The following PTPRN2 variants were observed in gnomAD, a reference collection of about 807,000 sequenced individuals.
PTPRN2 encodes receptor-type tyrosine-protein phosphatase N2.
In PTPRN2, 74 loss-of-function variants were observed where a neutral mutation model predicts 118.8. The ratio of observed to expected loss-of-function variants is 0.62; its 90% CI spans 0.52 to 0.76. The LOEUF (loss-of-function observed/expected upper bound fraction) is 0.76, where lower values mean the gene tolerates loss of function less well. Among genes scored for constraint, PTPRN2 ranks in the 30% least tolerant of loss-of-function variants. PTPRN2 has a pLI of 0.00. For synonymous variants in PTPRN2, 641 were observed against 608.0 expected (o/e 1.05, Z -0.80); for missense variants, 1,481 against 1,394.4 (o/e 1.06, Z -0.99).
chr7:158,369,467 C>A (rs1433677257), intron 2 of PTPRN2, among the ~76,000 whole-genome samples: 2 of 152,120 alleles, frequency 1.3e-5, no homozygotes, highest in Non-Finnish European at 2.9e-5. Context: ...GGCCACTGGG[C>A]AGATGCTATC....
chr7:158,233,744 A>T (rs2150830629), intron 3 of PTPRN2, among the ~76,000 whole-genome samples: 1 of 152,356 alleles, frequency 6.6e-6, no homozygotes, highest in African/African-American at 2.4e-5. Flanking sequence ...TAGTATCCAA[A>T]TAAGCATAGT....
intron 4 of PTPRN2, among the ~76,000 whole-genome samples, chr7:158,197,609 G>A (rs1826310208): frequency 6.6e-6 from 1 of 152,166 alleles, no homozygotes. Flanking sequence ...CTGAGACTGG[G>A]TAATTTATAA....
At chr7:158,480,833 C>T (rs897434423) in intron 2 of PTPRN2, among the ~76,000 whole-genome samples, 1 of 152,222 alleles carries the variant, frequency 6.6e-6, no homozygotes, top group African/African-American at 2.4e-5. Flanking sequence ...GAGGAAGCTG[C>T]AGAAGAAAAC....
In PTPRN2 at chr7:158,441,809, GTGGTGA is replaced by G. The variant is rs1563298973; in HGVS notation, c.163+47920_163+47925del. On this transcript the variant is annotated intron_variant, in intron 2 of 22. Transcript: ENST00000389418. ...GGTGATAGTGATGGTCATGGCAGTG[GTGGTGA>G]TGGTGATAGTGATGGTCATGGCAGT... Among the ~76,000 whole-genome samples the G allele has an allele frequency of 2.1e-4, 19 of 90,878 alleles. No homozygotes were observed. In the East Asian group the frequency reaches 2.9e-3, roughly 14 times the overall value. 59.6% of individuals were successfully genotyped at this position (90,878 alleles called of 152,430 possible). A position where few individuals can be genotyped will look rare whatever the true frequency, so the allele number is the denominator to read the frequency against.
At chr7:158,068,403 C>T (rs1472635468) in intron 11 of PTPRN2, among the ~76,000 whole-genome samples, 1 of 152,300 alleles carries the variant, frequency 6.6e-6, no homozygotes, top group Admixed American at 6.5e-5. Flanking sequence ...AGTGGCTGGA[C>T]TGCAGCTGGG....
At chr7:158,434,393 T>C (rs1816429517) in intron 2 of PTPRN2, among the ~76,000 whole-genome samples, 1 of 152,242 alleles carries the variant, frequency 6.6e-6, no homozygotes, top group South Asian at 2.1e-4. Context: ...TGTGTGTTCC[T>C]GATAGACCAA....
chr7:158,240,446 C>T (rs1459466197), intron 3 of PTPRN2, among the ~76,000 whole-genome samples: 7 of 152,250 alleles, frequency 4.6e-5, no homozygotes, highest in South Asian at 2.1e-4. Context: ...TGTTTTCTTT[C>T]GAGATGGACT....
At chr7:157,802,510 C>G (rs750169440) in intron 12 of PTPRN2, among the ~76,000 whole-genome samples, 27 of 152,266 alleles carry the variant, frequency 1.8e-4, no homozygotes, top group Admixed American at 9.8e-4. Flanking sequence ...CATGTCTTGG[C>G]TCCTGTGAAC....
intron 2 of PTPRN2, among the ~76,000 whole-genome samples, chr7:158,365,786 C>CA (rs1491441324): frequency 2.7e-5 from 4 of 148,432 alleles, no homozygotes; most frequent in East Asian, 2.0e-4. Context: ...CACACACACA[C>CA]CCACACACAC....
At chr7:157,817,338 G>A (rs966115014) in intron 12 of PTPRN2, among the ~76,000 whole-genome samples, 1 of 152,154 alleles carries the variant, frequency 6.6e-6, no homozygotes, top group African/African-American at 2.4e-5. Flanking sequence ...TCATGTCACA[G>A]GAAACCATGA....
chr7:157,811,404 T>A (rs73513204), intron 12 of PTPRN2, among the ~76,000 whole-genome samples: 2,587 of 149,268 alleles, frequency 0.017, 76 homozygotes, highest in African/African-American at 0.058. Flanking sequence ...TCACCCCAAA[T>A]CTCCACGTGA....
chr7:157,585,867 C>G lies in PTPRN2; in HGVS notation c.2497-7727G>C. On this transcript the variant is annotated intron_variant, in intron 17 of 22. Transcript: ENST00000389418. This position sits in a 1 kb window ranked among gnomAD's most constrained non-coding sequence, Gnocchi z 5.2. ...GTAAGAATCAGTCAGAAAGGAAAGC[C>G]GGACCTGTCCTTTCTACTTGAGTCC... Among the ~76,000 whole-genome samples the G allele has an allele frequency of 6.6e-6, 1 of 152,148 alleles. No homozygotes were observed. The highest frequency in any genetic ancestry group is 2.4e-5 in the African/African-American group (1 of 41,426).
chr7:158,252,982 C>T (rs866875450), intron 3 of PTPRN2, among the ~76,000 whole-genome samples: 33 of 152,240 alleles, frequency 2.2e-4, no homozygotes, highest in African/African-American at 8.0e-4. Context: ...GAGGTTCCTC[C>T]TGTCATGCCC....
intron 2 of PTPRN2, among the ~76,000 whole-genome samples, chr7:158,323,096 T>A (rs896048501): frequency 1.3e-5 from 2 of 152,128 alleles, no homozygotes; most frequent in African/African-American, 4.8e-5. Flanking sequence ...AGACGTTCTG[T>A]AGAATGAGTC....
intron 6 of PTPRN2, among the ~76,000 whole-genome samples, chr7:158,146,595 C>A (rs1032851325): frequency 5.3e-5 from 8 of 150,900 alleles, no homozygotes; most frequent in East Asian, 3.9e-4. Context: ...GTGGCGGGCG[C>A]CTGTAGTCCC....
At chr7:157,840,881 G>A (rs1246103129) in intron 12 of PTPRN2, among the ~76,000 whole-genome samples, 1 of 152,364 alleles carries the variant, frequency 6.6e-6, no homozygotes, top group Admixed American at 6.5e-5. Context: ...AGAGGTGAGG[G>A]GCTGGGCGCC....
At chr7:157,791,620 AG>A (rs562697797) in intron 12 of PTPRN2, among the ~76,000 whole-genome samples, 1 of 144,200 alleles carries the variant, frequency 6.9e-6, no homozygotes, top group African/African-American at 2.5e-5. Context: ...GTGAGAGCGG[AG>A]GGGCTCTGGG....
intron 2 of PTPRN2, among the ~76,000 whole-genome samples, chr7:158,429,723 A>C (rs563945880): frequency 6.6e-6 from 1 of 152,338 alleles, no homozygotes. Context: ...TTTTTCACTA[A>C]TTCATGGCTT....
chr7:158,546,288 C>A lies in PTPRN2; in HGVS notation c.112+41270G>T, dbSNP rs779359322. Reference sequence around the variant, plus strand: ...GGCTCCTTCCACTGGATGTACAGAGCGCTTCCAGCAGCTTGAGCTTCACGC... The same window carrying A: ...GGCTCCTTCCACTGGATGTACAGAGAGCTTCCAGCAGCTTGAGCTTCACGC... On this transcript the variant is annotated intron_variant, in intron 1 of 22. Coordinates refer to ENST00000389418, the MANE Select transcript of PTPRN2 (RefSeq NM_002847.5). The surrounding 1 kb of genome is among the most constrained non-coding windows in gnomAD (Gnocchi z 5.0). Among the ~76,000 whole-genome samples the A allele has an allele frequency of 1.3e-5, 2 of 152,200 alleles. No homozygotes were observed. The highest frequency in any genetic ancestry group is 4.8e-5 in the African/African-American group (2 of 41,456).
Sources: allele counts gnomAD v4.1 joint callset (sites outside exome capture counted in the v4.1 genomes callset), GRCh38; gene constraint gnomAD v4.1.1; non-coding constraint Gnocchi (gnomAD v3.1); transcripts MANE v1.5; gene names NCBI Gene and HGNC (gene_info 2026-07-23, HGNC 2026-07-21).